The following FBXO34 variants were observed in gnomAD, a reference collection of about 807,000 sequenced individuals.
FBXO34 encodes F-box only protein 34.
Under a neutral mutation model 24.5 loss-of-function variants are expected in FBXO34, and 12 were observed. The ratio of observed to expected loss-of-function variants is 0.49; its 90% confidence interval spans 0.31 to 0.79. The LOEUF (loss-of-function observed/expected upper bound fraction) is 0.79. Among genes scored for constraint, FBXO34 ranks in the 30% least tolerant of loss-of-function variants. The pLI is 0.04. For synonymous variants in FBXO34, 320 were observed against 311.9 expected (o/e 1.03, Z -0.27); for missense variants, 823 against 857.7 (o/e 0.96, Z 0.51).
At chr14:55,401,815 C>T in the FBXO34 span, among the ~76,000 whole-genome samples, 1 of 152,164 alleles carries the variant, frequency 6.6e-6, no homozygotes, top group Non-Finnish European at 1.5e-5. Context: ...CCCAGGAGCG[C>T]TGCCTGTCCA....
the FBXO34 span, among the ~76,000 whole-genome samples, chr14:55,442,431 CT>C: frequency 6.6e-6 from 1 of 151,372 alleles, no homozygotes; most frequent in Non-Finnish European, 1.5e-5. Context: ...TAAAATACAT[CT>C]TTTTTACTAG....
intron 1 of FBXO34, among the ~76,000 whole-genome samples, chr14:55,311,844 T>TA (rs1331936207): frequency 1.3e-5 from 2 of 151,550 alleles, no homozygotes; most frequent in Admixed American, 1.3e-4. Context: ...TCTCCTGCCT[T>TA]AGCCTCCCAA....
chr14:55,440,755 G>A, the FBXO34 span: 4 of 542,184 alleles, frequency 7.4e-6, no homozygotes, highest in Non-Finnish European at 1.3e-5. Context: ...AGCTGGGAAG[G>A]GCCTGGGCCT....
intron 1 of FBXO34, chr14:55,298,643 G>C: frequency 6.9e-7 from 1 of 1,459,740 alleles, no homozygotes; most frequent in Non-Finnish European, 9.4e-7. Context: ...CGCGGCGAGC[G>C]CTGTTCGGGG....
Position 55,351,137 on chromosome 14 carries a change from T to A in FBXO34, c.747T>A (p.Ser249=). Reference sequence around the variant, plus strand: ...AATCCAGAGGTGTGCCTGCAGTGTCTGAGTCCTATTCTGCCCCAGGAGCTT... The same window carrying A: ...AATCCAGAGGTGTGCCTGCAGTGTCAGAGTCCTATTCTGCCCCAGGAGCTT... ...SGQSRGVPAV[S]ESYSAPGACE... is the part of the protein sequence containing the mutation. The change falls in exon 2 of 2, where the codon TCT becomes TCA. Residue 249 remains serine (S), a synonymous_variant. Coordinates refer to ENST00000313833, the MANE Select transcript of FBXO34 (RefSeq NM_017943.4). 6.2e-7 allele frequency: 1 copy of A among 1,614,228 alleles called. No homozygotes were observed.
At chr14:55,425,749 C>T in the FBXO34 span, among the ~76,000 whole-genome samples, 97 of 152,320 alleles carry the variant, frequency 6.4e-4, no homozygotes, top group African/African-American at 2.0e-3. Context: ...ACATTAAAGA[C>T]CCTGCTTTAT....
chr14:55,393,860 AAG>A, the FBXO34 span, among the ~76,000 whole-genome samples: 1 of 151,918 alleles, frequency 6.6e-6, no homozygotes, highest in East Asian at 2.0e-4. Context: ...CAGATTTTAT[AAG>A]AGTATATTTA....
intron 1 of FBXO34, among the ~76,000 whole-genome samples, chr14:55,335,934 C>T (rs1883760786): frequency 6.6e-6 from 1 of 152,072 alleles, no homozygotes; most frequent in African/African-American, 2.4e-5. Context: ...TTTTCCCTTC[C>T]TACATGACTG....
the FBXO34 span, among the ~76,000 whole-genome samples, chr14:55,385,260 C>T: frequency 1.3e-5 from 2 of 152,048 alleles, no homozygotes; most frequent in Admixed American, 6.6e-5. Flanking sequence ...TAATAAATGG[C>T]CCAATACCAC....
intron 1 of FBXO34, among the ~76,000 whole-genome samples, chr14:55,340,799 A>G (rs1312404322): frequency 2.6e-5 from 4 of 152,126 alleles, no homozygotes; most frequent in African/African-American, 9.7e-5. Context: ...TTTGACACAT[A>G]ATGGATTTTT....
At chr14:55,364,987 G>A (rs1031090735), downstream of FBXO34, among the ~76,000 whole-genome samples, 2 of 150,216 alleles carry the variant, frequency 1.3e-5, no homozygotes, top group African/African-American at 2.4e-5. Context: ...TTGGGAGGCC[G>A]AGGCGAGCAG....
intron 1 of FBXO34, among the ~76,000 whole-genome samples, chr14:55,275,490 T>G (rs1186005915): frequency 3.3e-5 from 5 of 151,968 alleles, no homozygotes; most frequent in Non-Finnish European, 5.9e-5. Flanking sequence ...ATGATGGGTC[T>G]TGGGTGTGAG....
At chr14:55,306,911 C>G (rs1384040412) in intron 1 of FBXO34, among the ~76,000 whole-genome samples, 1 of 152,170 alleles carries the variant, frequency 6.6e-6, no homozygotes, top group African/African-American at 2.4e-5. Flanking sequence ...TAGTGCTTTT[C>G]AAATAATAAA....
chr14:55,311,379 C>T (rs1219145487), intron 1 of FBXO34, among the ~76,000 whole-genome samples: 1 of 152,194 alleles, frequency 6.6e-6, no homozygotes, highest in Non-Finnish European at 1.5e-5. Context: ...TGGGTGGGAA[C>T]ACAAAGCCCA....
chr14:55,335,206 A>C (rs982487873), intron 1 of FBXO34: 2 of 152,200 alleles, frequency 1.3e-5, no homozygotes, highest in African/African-American at 4.8e-5. Context: ...ACTAGAATGC[A>C]GTTGTAGTTT....
the FBXO34 span, among the ~76,000 whole-genome samples, chr14:55,404,298 C>A: frequency 6.6e-6 from 1 of 152,198 alleles, no homozygotes; most frequent in Non-Finnish European, 1.5e-5. Context: ...TGAAATCTCA[C>A]AATGACACCT....
chr14:55,382,212 A>T, the FBXO34 span: 1 of 1,610,912 alleles, frequency 6.2e-7, no homozygotes. Flanking sequence ...GAAGACACAC[A>T]CGGATTTTCA....
chr14:55,389,441 G>A, the FBXO34 span, among the ~76,000 whole-genome samples: 2 of 152,202 alleles, frequency 1.3e-5, no homozygotes, highest in Non-Finnish European at 2.9e-5. Context: ...TAATTCTCTA[G>A]TTTAGTAATC....
At chr14:55,375,479 C>T in the FBXO34 span, among the ~76,000 whole-genome samples, 2 of 149,604 alleles carry the variant, frequency 1.3e-5, no homozygotes, top group African/African-American at 4.9e-5. Flanking sequence ...TGCATTACCA[C>T]GCCGGGCTAA....
Sources: allele counts gnomAD v4.1 joint callset (sites outside exome capture counted in the v4.1 genomes callset), GRCh38; gene constraint gnomAD v4.1.1; transcripts MANE v1.5; gene names NCBI Gene and HGNC (gene_info 2026-07-23, HGNC 2026-07-21).